Variants in OC90 observed in about 807,000 individuals in gnomAD.
OC90 encodes the protein otoconin 90.
A neutral mutation model predicts 47.3 loss-of-function variants in OC90; 46 were observed. The ratio of observed to expected loss-of-function variants is 0.97; its 90% CI spans 0.77 to 1.24. The LOEUF is 1.24. Among genes scored for constraint, OC90 ranks in the 50% most tolerant of loss-of-function variants. The probability of loss-of-function intolerance (pLI) is 0.00; values close to 1 mark genes in which losing one functional copy is unlikely to be tolerated. For synonymous variants in OC90, 271 were observed against 219.5 expected (o/e 1.23, Z -2.07); for missense variants, 688 against 583.9 (o/e 1.18, Z -1.84).
chr8:132,041,847 G>A (rs1823059214), intron 4 of OC90, 148 bp from the exon 5 acceptor site: 1 of 503,772 alleles, frequency 2.0e-6, no homozygotes, highest in East Asian at 3.3e-5. Context: ...TTTAGACTAA[G>A]CCATCATCCC....
chr8:132,048,833 G>A (rs903472887), intron 2 of OC90, among the ~76,000 whole-genome samples: 2 of 151,546 alleles, frequency 1.3e-5, no homozygotes, highest in Non-Finnish European at 2.9e-5. Context: ...TTCGTCACAA[G>A]GGATGGCTGA....
At chr8:132,032,808 G>T (rs978694275) in intron 11 of OC90, among the ~76,000 whole-genome samples, 2 of 152,172 alleles carry the variant, frequency 1.3e-5, no homozygotes, top group African/African-American at 2.4e-5. Context: ...AAGGTCAGGG[G>T]CTCAGAAGAC....
At position 132,040,737 on chromosome 8, in the gene OC90, C is replaced by T. The variant is rs569212191; in HGVS notation, c.457+307G>A. ...GGAGTTAAATAATTCTGCAATGCTA[C>T]ACAATGTGTAAGTAGCAAACAATTT... is the stretch of plus-strand genomic sequence containing the variant. On this transcript the variant is annotated intron_variant, in intron 6 of 13. Transcript: ENST00000254627. Among the ~76,000 whole-genome samples the T allele has an allele frequency of 3.3e-5, 5 of 152,356 alleles. No individual in the cohort carries two copies. The South Asian group carries it at 1.0e-3, about 32-fold the overall frequency.
At chr8:132,033,312 G>A in intron 10 of OC90, 148 bp from the exon 11 acceptor site, 1 of 766,680 alleles carries the variant, frequency 1.3e-6, no homozygotes. Context: ...TGTCCAGGCA[G>A]AGTCTTAAGA....
chr8:132,035,664 TG>T (rs1211874963), intron 9 of OC90, among the ~76,000 whole-genome samples: 1 of 152,228 alleles, frequency 6.6e-6, no homozygotes, highest in Non-Finnish European at 1.5e-5. Context: ...TGGACACAAA[TG>T]CTCCATGAAA....
At chr8:132,034,181 G>A (rs1420143494) in intron 10 of OC90, among the ~76,000 whole-genome samples, 1 of 152,192 alleles carries the variant, frequency 6.6e-6, no homozygotes, top group Admixed American at 6.5e-5. Context: ...ATGAGTTAGT[G>A]TTAAAGAAAT....
intron 12 of OC90, among the ~76,000 whole-genome samples, chr8:132,029,492 C>T (rs1002043576): frequency 5.3e-5 from 8 of 152,242 alleles, no homozygotes; most frequent in Non-Finnish European, 1.0e-4. Flanking sequence ...TTTATTTAAA[C>T]GATTTTCTAA....
chr8:132,038,727 A>T lies in OC90; in HGVS notation c.628+63T>A, dbSNP rs1269522514. On this transcript the variant is annotated intron_variant, in intron 8 of 13. Coordinates refer to ENST00000254627, the MANE Select transcript of OC90 (RefSeq NM_001080399.3). ...CAGGCCTGGTGGAGGAGGTGTATCC[A>T]CCGGCTCCCATCAGCATCTGGGCCC... The T allele has an allele frequency of 4.5e-6, 6 of 1,326,128 alleles. No individual in the cohort carries two copies. The Admixed American group carries it at 1.0e-4, about 23-fold the overall frequency. The allele number at this position is 1,326,128 out of a possible 1,614,324, so 82.1% of individuals were successfully genotyped here.
intron 9 of OC90, among the ~76,000 whole-genome samples, chr8:132,035,715 T>C (rs1382054606): frequency 6.6e-6 from 1 of 152,224 alleles, no homozygotes; most frequent in Non-Finnish European, 1.5e-5. Context: ...GGCAGATTGT[T>C]CTATTCAAAA....
chr8:132,043,276 G>C (rs998249627), intron 4 of OC90, among the ~76,000 whole-genome samples: 1 of 152,190 alleles, frequency 6.6e-6, no homozygotes, highest in Non-Finnish European at 1.5e-5. Context: ...CATTTGTTTT[G>C]TCTGTTGTCC....
chr8:132,029,068 C>G lies in OC90; in HGVS notation c.1138+5G>C. The G allele has an allele frequency of 3.7e-6, 6 of 1,604,724 alleles. No individual in the cohort carries two copies. Among genetic ancestry groups the G allele is most frequent in the Non-Finnish European group, 5.1e-6 (6 of 1,171,436 alleles). On this transcript the variant is annotated splice_donor_5th_base_variant and intron_variant, in intron 13 of 13. Coordinates refer to ENST00000254627, the MANE Select transcript of OC90 (RefSeq NM_001080399.3). The stretch of plus-strand genomic sequence containing the variant: ...ATAACTCAATGTGCAACCAACAGCA[C>G]TTACACTTGGGCGTATGATCCACAC...
At chr8:132,028,527 A>AAAGAAAGAAAGG (rs1822797743) in intron 13 of OC90, among the ~76,000 whole-genome samples, 1 of 11,706 alleles carries the variant, frequency 8.5e-5, no homozygotes, top group African/African-American at 1.9e-4. Flanking sequence ...GAAAGAAAGA[A>AAAGAAAGAAAGG]AAGAAAGAAA....
chr8:132,036,886 G>C (rs1338740800), intron 9 of OC90, among the ~76,000 whole-genome samples: 1 of 152,238 alleles, frequency 6.6e-6, no homozygotes, highest in Non-Finnish European at 1.5e-5. Flanking sequence ...CCAGTATCCA[G>C]CCTATGATTT....
chr8:132,033,777 G>T (rs1017400818), intron 10 of OC90, among the ~76,000 whole-genome samples: 2 of 152,106 alleles, frequency 1.3e-5, no homozygotes, highest in Non-Finnish European at 2.9e-5. Flanking sequence ...TGCCCTCTTA[G>T]CTGGAGGCAG....
At chr8:132,053,649 G>A (rs1326871011) in intron 2 of OC90, among the ~76,000 whole-genome samples, 1 of 152,192 alleles carries the variant, frequency 6.6e-6, no homozygotes, top group Non-Finnish European at 1.5e-5. Context: ...CAGAGGATCT[G>A]GAAGGAAACA....
At chr8:132,036,465 C>T in intron 9 of OC90, 4 of 778,802 alleles carry the variant, frequency 5.1e-6, no homozygotes, top group East Asian at 2.4e-5. Flanking sequence ...CAGCTAGGTG[C>T]CAAAGCCAAA....
chr8:132,042,713 C>T (rs2334794), intron 4 of OC90, among the ~76,000 whole-genome samples: 110,690 of 151,600 alleles, frequency 0.73, 40,618 homozygotes, highest in East Asian at 0.76. Context: ...CAAACCACAA[C>T]GAGACACCAT....
intron 1 of OC90, among the ~76,000 whole-genome samples, chr8:132,058,007 G>A (rs762079191): frequency 2.0e-5 from 3 of 152,240 alleles, no homozygotes; most frequent in East Asian, 1.9e-4. Context: ...GACTCACTGC[G>A]TAACTGTCAC....
At chr8:132,027,190 T>C (rs114291772) in intron 13 of OC90, among the ~76,000 whole-genome samples, 1,801 of 152,274 alleles carry the variant, frequency 0.012, 39 homozygotes, top group African/African-American at 0.042. Flanking sequence ...CTACATGAGA[T>C]TAGAATAGTT....
Sources: gnomAD v4.1 joint callset for allele counts (sites outside exome capture counted in the v4.1 genomes callset) on GRCh38, gnomAD v4.1.1 for gene constraint, MANE v1.5 for transcripts, NCBI Gene and HGNC (gene_info 2026-07-23, HGNC 2026-07-21) for gene names.